The following COL5A2 variants were observed in gnomAD, a reference collection of about 807,000 sequenced individuals.
COL5A2 encodes collagen alpha-2(V) chain.
COL5A2 carries 23 observed loss-of-function variants against 208.2 expected under a neutral mutation model. The observed-to-expected ratio is 0.11, with a 90% CI of 0.08 to 0.16. COL5A2 has a LOEUF of 0.16. Among genes scored for constraint, COL5A2 ranks in the 10% least tolerant of loss-of-function variants. The pLI is 1.00. For missense variants in COL5A2, 1,590 were observed against 1,956.4 expected, an observed-to-expected ratio of 0.81 and a Z score of 3.53; for synonymous variants, 625 against 628.5, an observed-to-expected ratio of 0.99 and a Z score of 0.08.
the COL5A2 span, among the ~76,000 whole-genome samples, chr2:189,289,070 G>A: frequency 2.0e-5 from 3 of 152,072 alleles, no homozygotes; most frequent in East Asian, 3.9e-4. Context: ...GGCTGGGCAC[G>A]GTGGCTCACA....
chr2:189,280,136 G>A, the COL5A2 span, among the ~76,000 whole-genome samples: 5 of 152,096 alleles, frequency 3.3e-5, no homozygotes, highest in Admixed American at 6.5e-5. Flanking sequence ...AGAATTGTGA[G>A]AAACGAATTT....
intron 11 of COL5A2, among the ~76,000 whole-genome samples, 162 bp from the exon 12 acceptor site, chr2:189,084,199 TCCTTATATTC>T (rs1293620988): frequency 6.6e-6 from 1 of 152,188 alleles, no homozygotes; most frequent in Non-Finnish European, 1.5e-5. Flanking sequence ...TAGGCTCTAT[TCCTTATATTC>T]CTGATAGTAC....
intron 1 of COL5A2, among the ~76,000 whole-genome samples, chr2:189,127,393 TCTAA>T (rs1202042488): frequency 1.3e-5 from 2 of 151,918 alleles, no homozygotes; most frequent in Non-Finnish European, 2.9e-5. Context: ...AATTTGCAGC[TCTAA>T]CTAATAGCCT....
chr2:189,315,186 C>G, the COL5A2 span, among the ~76,000 whole-genome samples: 3 of 152,152 alleles, frequency 2.0e-5, no homozygotes, highest in African/African-American at 7.2e-5. Context: ...AAAATACTGG[C>G]AAGCCAAATC....
chr2:189,134,745 G>A (rs1687794549), intron 1 of COL5A2, among the ~76,000 whole-genome samples: 1 of 152,182 alleles, frequency 6.6e-6, no homozygotes, highest in East Asian at 1.9e-4. Context: ...TCAGGAAAAT[G>A]AAACAAGTTA....
intron 35 of COL5A2, among the ~76,000 whole-genome samples, chr2:189,056,186 T>C (rs1292086043): frequency 1.3e-5 from 2 of 152,188 alleles, no homozygotes; most frequent in Admixed American, 1.3e-4. Flanking sequence ...GCAGTTCTCT[T>C]TTATTATGTT....
chr2:189,176,080 T>C (rs1023134081), intron 1 of COL5A2, among the ~76,000 whole-genome samples: 2 of 152,222 alleles, frequency 1.3e-5, no homozygotes, highest in Non-Finnish European at 2.9e-5. Context: ...ATCTGCTTCC[T>C]GATTTTTGTA....
In COL5A2 at chr2:189,092,413, C is replaced by T. The variant is rs754702218; in HGVS notation, c.464G>A (p.Arg155His). The T allele has an allele frequency of 2.4e-5, 39 of 1,592,326 alleles. No individual in the cohort carries two copies. The highest frequency in any genetic ancestry group is 1.7e-4 in the Middle Eastern group (1 of 6,050). Reference protein sequence around the residue: ...ERGPKGRPGPRGPQGIDGEPG... With the variant: ...ERGPKGRPGPHGPQGIDGEPG... Reference sequence around the variant, plus strand: ...TTCTCCATCAATTCCCTGAGGTCCACGAGGGCCCTGGAAAACAAGCCAGTT... The same window carrying T: ...TTCTCCATCAATTCCCTGAGGTCCATGAGGGCCCTGGAAAACAAGCCAGTT... The change falls in exon 7 of 54, where the codon CGT (arginine) becomes CAT (histidine). Residue 155 changes from arginine to histidine, a missense_variant. By Grantham distance (29) the Arg-to-His change is conservative (BLOSUM62 0). Coordinates refer to ENST00000374866, the MANE Select transcript of COL5A2 (RefSeq NM_000393.5).
intron 1 of COL5A2, among the ~76,000 whole-genome samples, chr2:189,192,258 T>C (rs1688940592): frequency 6.6e-6 from 1 of 152,144 alleles, no homozygotes. Context: ...ATACCTAATA[T>C]AATCAAAGTA....
the COL5A2 span, among the ~76,000 whole-genome samples, chr2:189,298,775 A>T: frequency 6.6e-6 from 1 of 152,040 alleles, no homozygotes; most frequent in Non-Finnish European, 1.5e-5. Flanking sequence ...AAGAATCTCC[A>T]TTTCTCCCCT....
chr2:189,292,154 A>G, the COL5A2 span, among the ~76,000 whole-genome samples: 1 of 152,214 alleles, frequency 6.6e-6, no homozygotes, highest in African/African-American at 2.4e-5. Context: ...CTAATTTGAT[A>G]TCATTGTCAA....
At chr2:189,287,498 G>T in the COL5A2 span, among the ~76,000 whole-genome samples, 1 of 152,066 alleles carries the variant, frequency 6.6e-6, no homozygotes, top group African/African-American at 2.4e-5. Context: ...ACAAATATTT[G>T]ATGAGCTCCC....
the COL5A2 span, among the ~76,000 whole-genome samples, chr2:189,421,649 C>T: frequency 5.2e-4 from 79 of 152,222 alleles, no homozygotes; most frequent in African/African-American, 1.8e-3. Flanking sequence ...GGCCAGTGCC[C>T]ACAGACCTAG....
At chr2:189,069,704 G>C (rs1226061936) in intron 18 of COL5A2, among the ~76,000 whole-genome samples, 1 of 152,138 alleles carries the variant, frequency 6.6e-6, no homozygotes, top group Non-Finnish European at 1.5e-5. Context: ...ACTGTAAAAA[G>C]TCTATATAAA....
chr2:189,404,165 T>A, the COL5A2 span, among the ~76,000 whole-genome samples: 3 of 152,236 alleles, frequency 2.0e-5, no homozygotes, highest in Admixed American at 2.0e-4. Context: ...AGCTAAGGAA[T>A]GCCCAGAAAG....
the COL5A2 span, among the ~76,000 whole-genome samples, chr2:189,419,930 A>C: frequency 1.4e-5 from 2 of 143,980 alleles, no homozygotes; most frequent in African/African-American, 5.2e-5. Flanking sequence ...AGGAGAGGGG[A>C]GGAGAGGAAA....
In COL5A2 at chr2:189,052,806, A is replaced by C. The variant is rs1685818602; in HGVS notation, c.2662-4T>G. ...GTCCAGGAACACCATTAGGACCCTG[A>C]ATAGAAACAAACAAAAGAGCACTAT... is the stretch of plus-strand genomic sequence containing the variant. On this transcript the variant is annotated splice_polypyrimidine_tract_variant and splice_region_variant and intron_variant, in intron 39 of 53. Coordinates refer to ENST00000374866, the MANE Select transcript of COL5A2 (RefSeq NM_000393.5). 1.2e-6 allele frequency: 2 copies of C among 1,614,154 alleles called. No individual in the cohort carries two copies. Among genetic ancestry groups the C allele is most frequent in the South Asian group, 2.2e-5 (2 of 91,078 alleles).
At chr2:189,114,165 G>A (rs1188720287) in intron 1 of COL5A2, among the ~76,000 whole-genome samples, 1 of 152,140 alleles carries the variant, frequency 6.6e-6, no homozygotes, top group Admixed American at 6.6e-5. Flanking sequence ...GCAAGGAGAC[G>A]AAAAACCACA....
chr2:189,078,648 A>G, intron 15 of COL5A2, 79 bp from the exon 16 acceptor site: 3 of 1,146,612 alleles, frequency 2.6e-6, no homozygotes, highest in Non-Finnish European at 4.0e-6. Flanking sequence ...CACTCAATCC[A>G]ATTGAGATTC....
Sources: allele counts gnomAD v4.1 joint callset (sites outside exome capture counted in the v4.1 genomes callset), GRCh38; gene constraint gnomAD v4.1.1; transcripts MANE v1.5; gene names NCBI Gene and HGNC (gene_info 2026-07-23, HGNC 2026-07-21).